The following WWTR1 variants were observed in gnomAD, a reference collection of about 807,000 sequenced individuals.
WWTR1 encodes WW domain containing transcription regulator 1, also known as WW domain-containing transcription regulator protein 1.
Under a neutral mutation model 40.1 loss-of-function variants are expected in WWTR1, and 13 were observed. That is an observed-to-expected ratio of 0.32 (90% confidence interval 0.21 to 0.52). WWTR1 has a LOEUF of 0.52. Ranked by LOEUF, WWTR1 falls within the 20% of genes least tolerant of loss-of-function variation. WWTR1 has a pLI of 0.97. For missense variants in WWTR1, 436 were observed against 523.1 expected (o/e 0.83, Z 1.63); for synonymous variants, 230 against 210.1 (o/e 1.09, Z -0.82).
intron 2 of WWTR1, among the ~76,000 whole-genome samples, chr3:149,627,084 T>A (rs1473442053): frequency 6.6e-6 from 1 of 152,194 alleles, no homozygotes; most frequent in Non-Finnish European, 1.5e-5. Context: ...CCCAGCTAAA[T>A]ATGAATTCCA....
chr3:149,597,445 A>AAAAAAG (rs1739048751), intron 2 of WWTR1, among the ~76,000 whole-genome samples: 2 of 135,952 alleles, frequency 1.5e-5, no homozygotes, highest in African/African-American at 6.8e-5. Context: ...AAAAAAAAAA[A>AAAAAAG]AAGAAGAAGA....
intron 4 of WWTR1, chr3:149,540,109 CACACA>C (rs1335969960): frequency 4.3e-5 from 19 of 440,006 alleles, no homozygotes; most frequent in Admixed American, 4.3e-4. Context: ...CACACACACA[CACACA>C]CACACACACA....
intron 4 of WWTR1, among the ~76,000 whole-genome samples, chr3:149,722,895 T>C (rs961705695): frequency 6.6e-6 from 1 of 152,110 alleles, no homozygotes; most frequent in Non-Finnish European, 1.5e-5. Context: ...TTTATTGATA[T>C]TTACATTTTC....
chr3:149,586,816 T>G (rs900211604), intron 2 of WWTR1, among the ~76,000 whole-genome samples: 1 of 152,172 alleles, frequency 6.6e-6, no homozygotes, highest in Non-Finnish European at 1.5e-5. Flanking sequence ...ATGAAATCAA[T>G]TATGCCTATG....
intron 2 of WWTR1, among the ~76,000 whole-genome samples, chr3:149,612,359 A>G (rs1739772878): frequency 6.6e-6 from 1 of 151,438 alleles, no homozygotes; most frequent in Non-Finnish European, 1.5e-5. Flanking sequence ...AACTTAATCC[A>G]TTATAGGAGG....
intron 2 of WWTR1, among the ~76,000 whole-genome samples, chr3:149,654,928 C>T (rs2108158599): frequency 6.7e-6 from 1 of 149,852 alleles, no homozygotes; most frequent in African/African-American, 2.5e-5. Flanking sequence ...TAGAGACCAT[C>T]CTGGCTAACA....
At chr3:149,617,030 AT>A (rs1238726478) in intron 2 of WWTR1, among the ~76,000 whole-genome samples, 5 of 152,192 alleles carry the variant, frequency 3.3e-5, no homozygotes, top group Admixed American at 2.0e-4. Flanking sequence ...TAGAAAAAAA[AT>A]GTCCCTGAAA....
intron 5 of WWTR1, among the ~76,000 whole-genome samples, chr3:149,712,929 A>G (rs578220667): frequency 2.0e-5 from 3 of 152,360 alleles, no homozygotes; most frequent in East Asian, 3.9e-4. Context: ...AGACTCAGTC[A>G]GTTACAACAT....
chr3:149,617,244 C>T (rs746539586), intron 2 of WWTR1, among the ~76,000 whole-genome samples: 5 of 152,124 alleles, frequency 3.3e-5, no homozygotes, highest in African/African-American at 4.8e-5. Flanking sequence ...GAAGGAAAAA[C>T]GAACTTTCAT....
intron 4 of WWTR1, among the ~76,000 whole-genome samples, chr3:149,535,122 C>CAGCT (rs1390648313): frequency 3.9e-5 from 6 of 152,058 alleles, no homozygotes; most frequent in Non-Finnish European, 5.9e-5. Flanking sequence ...AAATGACAAT[C>CAGCT]AGCTCTTCAG....
At chr3:149,695,072 G>T (rs1022128093) in intron 1 of WWTR1, among the ~76,000 whole-genome samples, 2 of 152,166 alleles carry the variant, frequency 1.3e-5, no homozygotes, top group Non-Finnish European at 2.9e-5. Context: ...GACAAACTTT[G>T]CATGTTCTCA....
chr3:149,634,114 G>A (rs2108113282), intron 2 of WWTR1, among the ~76,000 whole-genome samples: 1 of 152,238 alleles, frequency 6.6e-6, no homozygotes, highest in Non-Finnish European at 1.5e-5. Flanking sequence ...TCCAGAAAGG[G>A]AAAAATAATG....
At chr3:149,604,555 G>A (rs1442794546) in intron 2 of WWTR1, among the ~76,000 whole-genome samples, 1 of 152,224 alleles carries the variant, frequency 6.6e-6, no homozygotes, top group Non-Finnish European at 1.5e-5. Flanking sequence ...GGAGGGCCAG[G>A]TGCTCCTTGT....
At chr3:149,635,332 G>C (rs1297796631) in intron 2 of WWTR1, among the ~76,000 whole-genome samples, 1 of 152,178 alleles carries the variant, frequency 6.6e-6, no homozygotes, top group Non-Finnish European at 1.5e-5. Flanking sequence ...TTAGGTCTTT[G>C]AGATGAGGTT....
chr3:149,578,312 A>C lies in WWTR1; in HGVS notation c.432-5312T>G, dbSNP rs576106784. ...TGCATGAGACAGGGGTAAAAAAGCTAACAATATACTGGTTCCTCACTGTGA... is the reference window on the plus strand; with the variant it reads ...TGCATGAGACAGGGGTAAAAAAGCTCACAATATACTGGTTCCTCACTGTGA... On this transcript the variant is annotated intron_variant, in intron 2 of 6. Transcript: ENST00000360632. Among the ~76,000 whole-genome samples the C allele has an allele frequency of 7.9e-5, 12 of 152,238 alleles. No individual in the cohort carries two copies. In the East Asian group the frequency reaches 1.9e-3, roughly 25 times the overall value.
chr3:149,553,178 G>C (rs952889170), intron 3 of WWTR1, among the ~76,000 whole-genome samples: 4 of 152,146 alleles, frequency 2.6e-5, no homozygotes, highest in Non-Finnish European at 5.9e-5. Flanking sequence ...TCAGGAACAG[G>C]CTGCGACAAA....
intron 4 of WWTR1, among the ~76,000 whole-genome samples, chr3:149,529,816 T>C (rs1399949526): frequency 1.3e-4 from 20 of 152,146 alleles, no homozygotes; most frequent in Admixed American, 1.3e-3. Context: ...AGCCACAGTT[T>C]GAAAAAATGT....
At chr3:149,672,927 C>T (rs375813968) in intron 1 of WWTR1, among the ~76,000 whole-genome samples, 3 of 151,778 alleles carry the variant, frequency 2.0e-5, no homozygotes, top group East Asian at 3.9e-4. Flanking sequence ...GGACTACAGG[C>T]GCATGCTACC....
chr3:149,599,603 A>G (rs1354216921), intron 2 of WWTR1, among the ~76,000 whole-genome samples: 1 of 152,264 alleles, frequency 6.6e-6, no homozygotes, highest in Non-Finnish European at 1.5e-5. Flanking sequence ...GTCTCAAACT[A>G]CTTAAATGGT....
Sources: gnomAD v4.1 joint callset for allele counts (sites outside exome capture counted in the v4.1 genomes callset) on GRCh38, gnomAD v4.1.1 for gene constraint, MANE v1.5 for transcripts, NCBI Gene and HGNC (gene_info 2026-07-23, HGNC 2026-07-21) for gene names.